The following TVP23C variants were observed in gnomAD, a reference collection of about 807,000 sequenced individuals.
TVP23C encodes trans-golgi network vesicle protein 23 homolog C.
A neutral mutation model predicts 28.7 loss-of-function variants in TVP23C; 19 were observed. The observed-to-expected ratio is 0.66, with a 90% CI of 0.46 to 0.97. The LOEUF is 0.97. Ranked by LOEUF, TVP23C falls within the 50% of genes least tolerant of loss-of-function variation. The pLI, the probability that TVP23C is intolerant of heterozygous loss-of-function variation, is 0.00. For missense variants in TVP23C, 186 were observed against 241.3 expected, an observed-to-expected ratio of 0.77 and a Z score of 1.52; for synonymous variants, 68 against 81.7, an observed-to-expected ratio of 0.83 and a Z score of 0.90.
intron 5 of TVP23C, among the ~76,000 whole-genome samples, chr17:15,519,832 G>A (rs1982396601): frequency 6.6e-6 from 1 of 152,162 alleles, no homozygotes; most frequent in African/African-American, 2.4e-5. Context: ...AACCCGGGAG[G>A]CGGAGCTTGC....
chr17:15,561,850 C>T (rs1050224136), intron 1 of TVP23C, among the ~76,000 whole-genome samples: 3 of 152,080 alleles, frequency 2.0e-5, no homozygotes, highest in African/African-American at 4.8e-5. Context: ...GATGTGAGGT[C>T]GGCACAAAAT....
In TVP23C at chr17:15,538,441, T is replaced by A. The variant is rs1311203211; in HGVS notation, c.*1971A>T. 1.4e-6 allele frequency: 1 copy of A among 716,894 alleles called. No homozygotes were observed. Among genetic ancestry groups the A allele is most frequent in the East Asian group, 1.3e-4 (1 of 7,508 alleles). The allele number at this position is 716,894 out of a possible 1,614,324, so 44.4% of individuals were successfully genotyped here. On this transcript the variant is annotated 3_prime_UTR_variant, in exon 6 of 6. Transcript: ENST00000518321. ...CCGTCTCTACTAAAAATACAAAAAA[T>A]TAGCCAGGCGTGGTGGCGGGCGCCT... is the stretch of plus-strand genomic sequence containing the variant.
intron 5 of TVP23C, chr17:15,506,797 C>A (rs1302402012): frequency 6.0e-6 from 3 of 503,156 alleles, no homozygotes; most frequent in Admixed American, 2.6e-5. Flanking sequence ...GTAACACTCA[C>A]CGCGAGGGTC....
chr17:15,563,120 C>T (rs111982206), intron 1 of TVP23C: 1 of 435,784 alleles, frequency 2.3e-6, no homozygotes, highest in Non-Finnish European at 4.1e-6. Flanking sequence ...AAGAGGCCCG[C>T]AGGCCGCTCC....
At chr17:15,524,117 G>A (rs927011615) in intron 5 of TVP23C, among the ~76,000 whole-genome samples, 5 of 146,084 alleles carry the variant, frequency 3.4e-5, no homozygotes, top group South Asian at 2.2e-4. Flanking sequence ...TGTTACTCCC[G>A]TCTTTACATG....
At chr17:15,553,634 A>G in intron 3 of TVP23C, 51 bp downstream of exon 3, 1 of 1,548,408 alleles carries the variant, frequency 6.5e-7, no homozygotes. Context: ...ATATTTTTAT[A>G]CATCATTTTC....
At position 15,553,673 on chromosome 17, in the gene TVP23C, A is replaced by G. The variant is rs1487684914; in HGVS notation, c.240+12T>C. The stretch of plus-strand genomic sequence containing the variant: ...TTAAATATAATTTTAAAATAAAAAC[A>G]ATCAAAATTACCTTCACTGCCCAAA... On this transcript the variant is annotated intron_variant, in intron 3 of 5. Transcript: ENST00000518321. 3 of 1,584,190 alleles carry G rather than the reference A, an allele frequency of 1.9e-6. No homozygotes were observed. Among genetic ancestry groups the G allele is most frequent in the African/African-American group, 2.7e-5 (2 of 72,956 alleles).
chr17:15,503,441 T>A, intron 5 of TVP23C: 1 of 543,956 alleles, frequency 1.8e-6, no homozygotes, highest in Non-Finnish European at 3.1e-6. Flanking sequence ...GTGACCTGCT[T>A]TAGAACGCCT....
At chr17:15,560,636 A>C (rs1426303415) in intron 1 of TVP23C, among the ~76,000 whole-genome samples, 1 of 148,862 alleles carries the variant, frequency 6.7e-6, no homozygotes, top group Non-Finnish European at 1.5e-5. Context: ...GCTCACTGCA[A>C]GCTCCGCCTC....
intron 2 of TVP23C, among the ~76,000 whole-genome samples, chr17:15,555,050 C>T (rs1024379053): frequency 1.1e-4 from 16 of 152,178 alleles, no homozygotes; most frequent in Admixed American, 4.6e-4. Context: ...ATTAAAAACA[C>T]AGGTGTTCAA....
chr17:15,519,897 G>A (rs144016637), intron 5 of TVP23C, among the ~76,000 whole-genome samples: 16 of 152,298 alleles, frequency 1.1e-4, no homozygotes, highest in Middle Eastern at 3.4e-3. Context: ...GCGAGACTCC[G>A]TCTCAAACAA....
intron 3 of TVP23C, among the ~76,000 whole-genome samples, chr17:15,549,016 A>G (rs1254135374): frequency 6.6e-6 from 1 of 152,228 alleles, no homozygotes; most frequent in East Asian, 1.9e-4. Flanking sequence ...TAATGGGGGA[A>G]CTACTACACA....
chr17:15,540,380 T>A lies in TVP23C; in HGVS notation c.*32A>T. ...GGAGCGTTTCATAAAAATTAAACTA[T>A]GAAAGTTAGAAATAATTGCATTAGT... On this transcript the variant is annotated 3_prime_UTR_variant, in exon 6 of 6. Coordinates refer to ENST00000518321, the MANE Select transcript of TVP23C (RefSeq NM_001135036.2). The A allele has an allele frequency of 6.4e-7, 1 of 1,551,242 alleles. No individual in the cohort carries two copies. Among genetic ancestry groups the A allele is most frequent in the Non-Finnish European group, 8.7e-7 (1 of 1,143,106 alleles).
chr17:15,505,061 C>T (rs115992431), intron 5 of TVP23C, among the ~76,000 whole-genome samples: 1,714 of 152,268 alleles, frequency 0.011, 35 homozygotes, highest in African/African-American at 0.039. Context: ...ACACATTCAA[C>T]GCATGTGTGT....
chr17:15,528,517 CAT>C (rs1178860049), intron 5 of TVP23C, among the ~76,000 whole-genome samples: 2 of 152,200 alleles, frequency 1.3e-5, no homozygotes, highest in African/African-American at 4.8e-5. Flanking sequence ...TATGGCCTAA[CAT>C]ATAGTCTATC....
Position 15,543,726 on chromosome 17 carries a change from C to T in TVP23C, c.462+2059G>A, listed in dbSNP as rs549042961. ...ACCTTCCACTAGAACATAAGCTCTA[C>T]TGGAGCAGTCAACTTGTTTACTGTC... On this transcript the variant is annotated intron_variant, in intron 5 of 5. Transcript: ENST00000518321. Among the ~76,000 whole-genome samples the T allele has an allele frequency of 8.3e-4, 125 of 151,314 alleles. 1 individual carries two copies. Among genetic ancestry groups the T allele is most frequent in the Middle Eastern group, 3.4e-3 (1 of 294 alleles).
chr17:15,528,749 C>T (rs1982830540), intron 5 of TVP23C, among the ~76,000 whole-genome samples: 2 of 151,932 alleles, frequency 1.3e-5, no homozygotes, highest in South Asian at 2.1e-4. Context: ...AGGCATGCGC[C>T]GCCACACCCA....
intron 5 of TVP23C, among the ~76,000 whole-genome samples, chr17:15,529,211 G>A (rs1471077967): frequency 6.6e-6 from 1 of 152,016 alleles, no homozygotes; most frequent in Non-Finnish European, 1.5e-5. Flanking sequence ...CAGCACTTTG[G>A]GAAGCCAAGG....
intron 2 of TVP23C, 132 bp downstream of exon 2, chr17:15,555,150 A>T: frequency 8.0e-7 from 1 of 1,249,464 alleles, no homozygotes; most frequent in Non-Finnish European, 1.1e-6. Context: ...CTTACACTAA[A>T]TGTTAAATTA....
Sources: allele counts gnomAD v4.1 joint callset (sites outside exome capture counted in the v4.1 genomes callset), GRCh38; gene constraint gnomAD v4.1.1; transcripts MANE v1.5; gene names NCBI Gene and HGNC (gene_info 2026-07-23, HGNC 2026-07-21).